The following LRIG1 variants were observed in gnomAD, a reference collection of about 807,000 sequenced individuals.
LRIG1 encodes leucine-rich repeats and immunoglobulin-like domains protein 1.
LRIG1 carries 48 observed loss-of-function variants against 99.2 expected under a neutral mutation model. That is an observed-to-expected ratio of 0.48 (90% CI 0.38 to 0.62). The LOEUF (loss-of-function observed/expected upper bound fraction) is 0.62, where lower values mean the gene tolerates loss of function less well. LRIG1 is among the 20% of genes least tolerant of loss of function. The pLI, the probability that LRIG1 is intolerant of heterozygous loss-of-function variation, is 0.00. For missense variants in LRIG1, 1,646 were observed against 1,434.4 expected (o/e 1.15, Z -2.38); for synonymous variants, 772 against 596.1 (o/e 1.29, Z -4.30).
chr3:66,487,370 A>T (rs1700998709), intron 1 of LRIG1, among the ~76,000 whole-genome samples: 1 of 152,222 alleles, frequency 6.6e-6, no homozygotes, highest in Admixed American at 6.5e-5. Flanking sequence ...ACTCCTATGA[A>T]GTCCTCCACA....
chr3:66,480,684 A>G (rs914169759), intron 1 of LRIG1, among the ~76,000 whole-genome samples: 1 of 152,188 alleles, frequency 6.6e-6, no homozygotes, highest in African/African-American at 2.4e-5. Context: ...AGCTCTGTCC[A>G]TGAGTCCATC....
intron 1 of LRIG1, among the ~76,000 whole-genome samples, chr3:66,473,060 T>C (rs1037751083): frequency 1.2e-4 from 18 of 152,164 alleles, no homozygotes; most frequent in African/African-American, 4.3e-4. Context: ...TTTTGTTGTT[T>C]TTTAAAGAGA....
At chr3:66,413,202 C>T (rs1702525189) in intron 5 of LRIG1, among the ~76,000 whole-genome samples, 188 bp from the exon 6 acceptor site, 1 of 152,210 alleles carries the variant, frequency 6.6e-6, no homozygotes, top group Non-Finnish European at 1.5e-5. Context: ...GATGCTGCCA[C>T]CTGACCACAC....
intron 1 of LRIG1, among the ~76,000 whole-genome samples, chr3:66,473,374 C>T (rs373129832): frequency 4.6e-5 from 7 of 152,224 alleles, no homozygotes; most frequent in African/African-American, 1.4e-4. Context: ...TCAGCCTCCA[C>T]TGGAACTTAC....
At chr3:66,479,877 A>AG (rs1352728899) in intron 1 of LRIG1, among the ~76,000 whole-genome samples, 10 of 152,248 alleles carry the variant, frequency 6.6e-5, no homozygotes, top group Non-Finnish European at 1.3e-4. Flanking sequence ...CAGCTTCTCC[A>AG]GGAAACAGTC....
At chr3:66,490,899 CCACT>C (rs1701087370) in intron 1 of LRIG1, among the ~76,000 whole-genome samples, 1 of 152,080 alleles carries the variant, frequency 6.6e-6, no homozygotes, top group South Asian at 2.1e-4. Flanking sequence ...CTAGTAATTC[CCACT>C]CAGATTCCTA....
In LRIG1 at chr3:66,380,738, G is replaced by T; in HGVS notation, c.2894C>A (p.Pro965Gln). The change falls in exon 18 of 19, where the codon CCG (proline) becomes CAG (glutamine). Residue 965 changes from proline to glutamine, a missense_variant. Pro to Gln is a moderately conservative substitution (Grantham distance 76). Coordinates refer to ENST00000273261, the MANE Select transcript of LRIG1 (RefSeq NM_015541.3). ...CTCTTGGTCACTCCCACCCGGCTCC[G>T]GGCCATTTGGCGCACTTGGCTGTGC... is the stretch of plus-strand genomic sequence containing the variant. ...DSAQPSAPNG[P>Q]EPGGSDQEHS... 6.2e-7 allele frequency: 1 copy of T among 1,614,190 alleles called. No individual in the cohort carries two copies. Among genetic ancestry groups the T allele is most frequent in the South Asian group, 1.1e-5 (1 of 91,080 alleles).
At chr3:66,411,267 G>A (rs1190615382) in intron 6 of LRIG1, among the ~76,000 whole-genome samples, 1 of 152,218 alleles carries the variant, frequency 6.6e-6, no homozygotes, top group Non-Finnish European at 1.5e-5. Flanking sequence ...AGGGCTTTGG[G>A]TAACTGAGTT....
chr3:66,424,870 T>C (rs1702928457), intron 3 of LRIG1, among the ~76,000 whole-genome samples: 1 of 152,248 alleles, frequency 6.6e-6, no homozygotes, highest in Non-Finnish European at 1.5e-5. Flanking sequence ...CAAAACTTTA[T>C]TATAAAATGG....
intron 12 of LRIG1, chr3:66,387,601 C>T (rs1264658176): frequency 6.6e-6 from 1 of 152,048 alleles, no homozygotes; most frequent in Non-Finnish European, 1.5e-5. Flanking sequence ...AAGGGAATAT[C>T]CAATTTCCAG....
intron 1 of LRIG1, among the ~76,000 whole-genome samples, chr3:66,499,888 G>A: frequency 1.3e-5 from 1 of 78,416 alleles, no homozygotes; most frequent in Non-Finnish European, 2.4e-5. Context: ...CTCACCCCCA[G>A]ATGGCCCGCA....
intron 9 of LRIG1, 74 bp downstream of exon 9, chr3:66,405,124 G>T (rs1308642604): frequency 1.5e-6 from 2 of 1,342,678 alleles, no homozygotes; most frequent in Admixed American, 1.8e-5. Context: ...GGCGCGGGGG[G>T]CGCCACAGAA....
intron 3 of LRIG1, among the ~76,000 whole-genome samples, chr3:66,434,567 C>T (rs772788836): frequency 1.6e-4 from 24 of 151,744 alleles, no homozygotes; most frequent in Non-Finnish European, 3.1e-4. Flanking sequence ...ACCAACATGG[C>T]GAAACCCTGT....
At chr3:66,393,250 G>C (rs1368099715) in intron 12 of LRIG1, among the ~76,000 whole-genome samples, 2 of 152,230 alleles carry the variant, frequency 1.3e-5, no homozygotes, top group Non-Finnish European at 2.9e-5. Context: ...AGACCAGTGA[G>C]CACAAAAGGC....
chr3:66,410,712 G>A (rs890348280), intron 6 of LRIG1, among the ~76,000 whole-genome samples: 4 of 152,194 alleles, frequency 2.6e-5, no homozygotes, highest in African/African-American at 9.7e-5. Flanking sequence ...CCAACAAACG[G>A]GCACAGGAGT....
intron 3 of LRIG1, among the ~76,000 whole-genome samples, chr3:66,426,542 A>C (rs894708390): frequency 3.3e-5 from 5 of 152,336 alleles, no homozygotes; most frequent in Admixed American, 2.0e-4. Flanking sequence ...TGCAGAGAGA[A>C]AACTTTCCCA....
At chr3:66,467,128 G>GT (rs1170818573) in intron 1 of LRIG1, among the ~76,000 whole-genome samples, 3 of 152,210 alleles carry the variant, frequency 2.0e-5, no homozygotes, top group East Asian at 3.9e-4. Context: ...AAAGCAAACT[G>GT]TTTACCAGTG....
At chr3:66,396,179 G>C (rs1701841773) in intron 11 of LRIG1, among the ~76,000 whole-genome samples, 1 of 152,202 alleles carries the variant, frequency 6.6e-6, no homozygotes, top group African/African-American at 2.4e-5. Flanking sequence ...GAAGACAGTG[G>C]GTACTCAGGG....
intron 1 of LRIG1, 48 bp from the exon 2 acceptor site, chr3:66,462,557 A>G: frequency 7.6e-7 from 1 of 1,307,538 alleles, no homozygotes; most frequent in Non-Finnish European, 1.1e-6. Context: ...ACCTGGCATC[A>G]TACCCAGAAT....
Sources: allele counts gnomAD v4.1 joint callset (sites outside exome capture counted in the v4.1 genomes callset), GRCh38; gene constraint gnomAD v4.1.1; transcripts MANE v1.5; gene names NCBI Gene and HGNC (gene_info 2026-07-23, HGNC 2026-07-21).